Variants in SHISA9 observed in about 807,000 individuals in gnomAD.
SHISA9 encodes the protein protein shisa-9.
SHISA9 carries 13 observed loss-of-function variants against 38.0 expected under a neutral mutation model. The ratio of observed to expected loss-of-function variants is 0.34; its 90% CI spans 0.22 to 0.54. SHISA9 has a LOEUF of 0.54. SHISA9 is among the 20% of genes least tolerant of loss of function. The pLI is 0.91. For missense variants in SHISA9, 538 were observed against 575.8 expected (o/e 0.93, Z 0.67); for synonymous variants, 275 against 242.0 (o/e 1.14, Z -1.27).
intron 4 of SHISA9, among the ~76,000 whole-genome samples, chr16:13,223,169 G>A (rs556216006): frequency 5.3e-5 from 8 of 152,304 alleles, no homozygotes; most frequent in African/African-American, 1.7e-4. Flanking sequence ...GCTCATGCCT[G>A]TAATCCCAGT....
chr16:13,262,423 C>G, the SHISA9 span, among the ~76,000 whole-genome samples: 1 of 152,144 alleles, frequency 6.6e-6, no homozygotes, highest in South Asian at 2.1e-4. Flanking sequence ...CACTAGTAGC[C>G]TTTTAGCTTT....
chr16:12,923,131 G>A (rs947312427), intron 2 of SHISA9, among the ~76,000 whole-genome samples: 2 of 152,308 alleles, frequency 1.3e-5, no homozygotes, highest in African/African-American at 4.8e-5. Flanking sequence ...AAAGCCCATG[G>A]AAGATACTCT....
At chr16:13,153,774 G>A (rs2050519526) in intron 2 of SHISA9, among the ~76,000 whole-genome samples, 1 of 152,174 alleles carries the variant, frequency 6.6e-6, no homozygotes, top group Non-Finnish European at 1.5e-5. Context: ...TTACACTTCT[G>A]CTCCAGAGAT....
At chr16:13,221,679 G>A (rs1421795035) in intron 4 of SHISA9, among the ~76,000 whole-genome samples, 1 of 152,098 alleles carries the variant, frequency 6.6e-6, no homozygotes, top group Non-Finnish European at 1.5e-5. Flanking sequence ...GTAAAATCCA[G>A]TGGTTTTCAG....
At chr16:13,550,569 G>T in the SHISA9 span, among the ~76,000 whole-genome samples, 3 of 152,188 alleles carry the variant, frequency 2.0e-5, no homozygotes, top group African/African-American at 7.2e-5. Context: ...GAATGTAAAT[G>T]AAGCAAGATT....
chr16:13,537,586 G>A, the SHISA9 span, among the ~76,000 whole-genome samples: 1 of 152,158 alleles, frequency 6.6e-6, no homozygotes. Flanking sequence ...ATGGAAGAAA[G>A]ATTCGTGGTT....
intron 2 of SHISA9, among the ~76,000 whole-genome samples, chr16:13,145,130 C>T (rs1026624896): frequency 5.9e-5 from 9 of 152,156 alleles, no homozygotes; most frequent in Admixed American, 3.3e-4. Flanking sequence ...ATGAGAGATA[C>T]AGAGGATTCT....
At chr16:13,450,749 G>A in the SHISA9 span, among the ~76,000 whole-genome samples, 5 of 152,170 alleles carry the variant, frequency 3.3e-5, no homozygotes, top group African/African-American at 1.2e-4. Context: ...AGCTCTGTCT[G>A]AGCTCAAAAT....
chr16:13,007,396 TCTC>T (rs1465828768), intron 2 of SHISA9, among the ~76,000 whole-genome samples: 7 of 152,084 alleles, frequency 4.6e-5, no homozygotes, highest in African/African-American at 1.7e-4. Flanking sequence ...ATATCACACA[TCTC>T]CTACAGCCTC....
At chr16:13,145,567 G>A (rs1053229060) in intron 2 of SHISA9, among the ~76,000 whole-genome samples, 2 of 152,266 alleles carry the variant, frequency 1.3e-5, no homozygotes, top group Admixed American at 6.5e-5. Context: ...GTGTGGCTGC[G>A]TGGAAGGTGC....
the SHISA9 span, among the ~76,000 whole-genome samples, chr16:13,349,115 A>G: frequency 2.0e-5 from 3 of 152,322 alleles, no homozygotes; most frequent in Admixed American, 6.5e-5. Context: ...CCAAAGAGAT[A>G]GACAAGAGGC....
At chr16:13,100,639 C>T (rs1363395214) in intron 2 of SHISA9, among the ~76,000 whole-genome samples, 1 of 152,164 alleles carries the variant, frequency 6.6e-6, no homozygotes, top group Non-Finnish European at 1.5e-5. Flanking sequence ...GTGTGCACTC[C>T]AGGAGAAAGG....
At chr16:13,539,004 T>C in the SHISA9 span, among the ~76,000 whole-genome samples, 4 of 151,986 alleles carry the variant, frequency 2.6e-5, no homozygotes, top group East Asian at 5.8e-4. Context: ...ACTTTGACGA[T>C]TGGAAGGTGA....
At chr16:12,959,424 G>C (rs939045718) in intron 2 of SHISA9, among the ~76,000 whole-genome samples, 1 of 152,162 alleles carries the variant, frequency 6.6e-6, no homozygotes, top group Non-Finnish European at 1.5e-5. Context: ...GCTAGGGAAG[G>C]CTATGACTTT....
chr16:12,934,512 A>T (rs1419332889), intron 2 of SHISA9, among the ~76,000 whole-genome samples: 1 of 152,220 alleles, frequency 6.6e-6, no homozygotes, highest in South Asian at 2.1e-4. Flanking sequence ...AACTATTGAT[A>T]TATAGGGGAA....
intron 1 of SHISA9, among the ~76,000 whole-genome samples, chr16:12,903,943 T>TA (rs2071058306): frequency 7.5e-6 from 1 of 132,750 alleles, no homozygotes; most frequent in Non-Finnish European, 1.6e-5. Context: ...CCGATGAGAT[T>TA]TTTTTTTTTC....
At chr16:13,544,777 T>C in the SHISA9 span, among the ~76,000 whole-genome samples, 1 of 151,996 alleles carries the variant, frequency 6.6e-6, no homozygotes, top group Non-Finnish European at 1.5e-5. Context: ...ACCCTGTCTT[T>C]ACTAAAAATA....
chr16:13,235,532 C>G lies in SHISA9; in HGVS notation c.*123C>G. 1 of 1,240,048 alleles carries G rather than the reference C, an allele frequency of 8.1e-7. No homozygotes were observed. The highest frequency in any genetic ancestry group is 1.1e-6 in the Non-Finnish European group (1 of 919,806). 76.8% of individuals were successfully genotyped at this position (1,240,048 alleles called of 1,614,324 possible). A position where few individuals can be genotyped will look rare whatever the true frequency, so the allele number is the denominator to read the frequency against. ...TCCACACACTCACTCTCAACAAGAA[C>G]CAACTCTAAACCTACTGGGGACACA... is the stretch of plus-strand genomic sequence containing the variant. On this transcript the variant is annotated 3_prime_UTR_variant, in exon 5 of 5. Coordinates refer to ENST00000558583, the MANE Select transcript of SHISA9 (RefSeq NM_001145204.3).
the SHISA9 span, among the ~76,000 whole-genome samples, chr16:13,323,030 T>C: frequency 6.6e-6 from 1 of 152,202 alleles, no homozygotes; most frequent in African/African-American, 2.4e-5. Context: ...CTTCCTGCTA[T>C]GTCTGCTTAA....
Sources: allele counts gnomAD v4.1 joint callset (sites outside exome capture counted in the v4.1 genomes callset), GRCh38; gene constraint gnomAD v4.1.1; transcripts MANE v1.5; gene names NCBI Gene and HGNC (gene_info 2026-07-23, HGNC 2026-07-21).